Variants in PTPRO observed in about 807,000 individuals in gnomAD.
PTPRO encodes receptor-type tyrosine-protein phosphatase O.
Under a neutral mutation model 145.2 loss-of-function variants are expected in PTPRO, and 62 were observed. The ratio of observed to expected loss-of-function variants is 0.43; its 90% CI spans 0.35 to 0.53. The LOEUF (loss-of-function observed/expected upper bound fraction) is 0.53. PTPRO is among the 20% of genes least tolerant of loss of function. The probability of loss-of-function intolerance (pLI) is 0.01; values close to 1 mark genes in which losing one functional copy is unlikely to be tolerated. For missense variants in PTPRO, 1,345 were observed against 1,482.7 expected (o/e 0.91, Z 1.53); for synonymous variants, 565 against 514.7 (o/e 1.10, Z -1.32).
intron 1 of PTPRO, among the ~76,000 whole-genome samples, chr12:15,399,849 G>A (rs539863978): frequency 2.7e-4 from 41 of 151,574 alleles, no homozygotes; most frequent in Admixed American, 9.9e-4. Context: ...TCAGGGGTTC[G>A]AGACCAACCT....
intron 2 of PTPRO, among the ~76,000 whole-genome samples, chr12:15,489,840 G>A (rs1192880090): frequency 2.0e-5 from 3 of 152,140 alleles, no homozygotes; most frequent in African/African-American, 7.2e-5. Flanking sequence ...AGGCAGCACA[G>A]AAGAAACAAT....
chr12:15,569,371 A>G (rs1254657592), intron 18 of PTPRO, 46 bp from the exon 19 acceptor site: 1 of 1,471,054 alleles, frequency 6.8e-7, no homozygotes, highest in Non-Finnish European at 9.5e-7. Context: ...AATACCTATC[A>G]ACAAGAATTT....
intron 23 of PTPRO, among the ~76,000 whole-genome samples, chr12:15,582,766 C>T (rs1314060509): frequency 6.6e-6 from 1 of 151,894 alleles, no homozygotes; most frequent in African/African-American, 2.4e-5. Context: ...TAAGGTACTT[C>T]TAGGTCTTAT....
intron 1 of PTPRO, among the ~76,000 whole-genome samples, chr12:15,445,961 C>T (rs1302448879): frequency 6.6e-6 from 1 of 152,054 alleles, no homozygotes; most frequent in African/African-American, 2.4e-5. Context: ...GGATGCAGAG[C>T]ACTCATGAAA....
intron 24 of PTPRO, among the ~76,000 whole-genome samples, chr12:15,587,856 A>G (rs111690867): frequency 0.03 from 4,564 of 152,270 alleles, 256 homozygotes; most frequent in African/African-American, 0.11. Flanking sequence ...AGCCATGCCA[A>G]CCTAAGCAAA....
At chr12:15,560,866 T>A (rs1943755272) in intron 17 of PTPRO, among the ~76,000 whole-genome samples, 1 of 152,124 alleles carries the variant, frequency 6.6e-6, no homozygotes, top group Admixed American at 6.6e-5. Context: ...CATTCCACTA[T>A]GTACAGAATC....
rs535056100 is a variant in PTPRO at position 15,386,444 on chromosome 12, A to G, written c.75+63643A>G. Among the ~76,000 whole-genome samples the G allele has an allele frequency of 5.3e-5, 8 of 152,320 alleles. No homozygotes were observed. In the East Asian group the frequency reaches 1.5e-3, roughly 29 times the overall value. ...CTGACAAAAAGATTATGAAATAAATATAAACAAATATGCATATACATATAC... is the reference window on the plus strand; with the variant it reads ...CTGACAAAAAGATTATGAAATAAATGTAAACAAATATGCATATACATATAC... On this transcript the variant is annotated intron_variant, in intron 1 of 26. Transcript: ENST00000281171.
chr12:15,534,964 G>A (rs1283130806), intron 12 of PTPRO, among the ~76,000 whole-genome samples: 4 of 152,134 alleles, frequency 2.6e-5, no homozygotes, highest in Admixed American at 1.3e-4. Context: ...AAGAGAAGTG[G>A]ACAGAATTCA....
At chr12:15,352,666 AAAG>A (rs1466639106) in intron 1 of PTPRO, among the ~76,000 whole-genome samples, 1,859 of 94,242 alleles carry the variant, frequency 0.02, 40 homozygotes, top group African/African-American at 0.054. Context: ...AAAAAAAAAA[AAAG>A]AAAGAAAGAA....
intron 19 of PTPRO, among the ~76,000 whole-genome samples, chr12:15,569,827 C>A (rs1298844768): frequency 6.6e-6 from 1 of 152,170 alleles, no homozygotes; most frequent in Admixed American, 6.5e-5. Context: ...AAGCCTGAGA[C>A]AGAATTTCCC....
chr12:15,582,347 C>T (rs1944339018), intron 23 of PTPRO, among the ~76,000 whole-genome samples: 1 of 152,228 alleles, frequency 6.6e-6, no homozygotes, highest in Non-Finnish European at 1.5e-5. Flanking sequence ...GACACCTACA[C>T]CACCACCACC....
At chr12:15,548,780 T>A (rs1392470995) in intron 13 of PTPRO, among the ~76,000 whole-genome samples, 1 of 152,044 alleles carries the variant, frequency 6.6e-6, no homozygotes, top group Non-Finnish European at 1.5e-5. Flanking sequence ...ATAGCTAAGG[T>A]AAAAAAATTA....
At position 15,546,624 on chromosome 12, in the gene PTPRO, T is replaced by C. The variant is rs749415852; in HGVS notation, c.2220T>C (p.Thr740=). The C allele has an allele frequency of 6.2e-7, 1 of 1,613,728 alleles. No individual in the cohort carries two copies. Among genetic ancestry groups the C allele is most frequent in the Admixed American group, 1.7e-5 (1 of 59,990 alleles). ...FAVNKTQTSV[T]LLWVEEGVAD... ...TGAACAAAACCCAGACTTCAGTGAC[T>C]TTGCTGTGGGTGGAAGAGGGAGTAG... The change falls in exon 13 of 27, where the codon ACT becomes ACC. Residue 740 remains threonine, a synonymous_variant. Coordinates refer to ENST00000281171, the MANE Select transcript of PTPRO (RefSeq NM_030667.3).
chr12:15,586,782 C>T, intron 23 of PTPRO, 115 bp from the exon 24 acceptor site: 1 of 1,160,196 alleles, frequency 8.6e-7, no homozygotes, highest in Non-Finnish European at 1.3e-6. Context: ...GGAAAGTGTA[C>T]TGACCAGGAG....
At chr12:15,519,620 A>T (rs371616424) in intron 9 of PTPRO, among the ~76,000 whole-genome samples, 2 of 152,350 alleles carry the variant, frequency 1.3e-5, no homozygotes, top group East Asian at 3.9e-4. Context: ...GACACTGCCT[A>T]ATTTTAATGA....
At chr12:15,409,624 A>G (rs1939740364) in intron 1 of PTPRO, among the ~76,000 whole-genome samples, 1 of 152,212 alleles carries the variant, frequency 6.6e-6, no homozygotes, top group African/African-American at 2.4e-5. Flanking sequence ...TTGTACAGGA[A>G]GTAGGGCACT....
intron 2 of PTPRO, among the ~76,000 whole-genome samples, chr12:15,488,298 G>A (rs1941932315): frequency 6.6e-6 from 1 of 152,140 alleles, no homozygotes; most frequent in Admixed American, 6.5e-5. Context: ...AATTTGAGGG[G>A]CAATAATAGG....
chr12:15,431,613 T>C (rs1940441587), intron 1 of PTPRO, among the ~76,000 whole-genome samples: 3 of 152,200 alleles, frequency 2.0e-5, no homozygotes, highest in Non-Finnish European at 4.4e-5. Flanking sequence ...GAGCAAATTA[T>C]GAATGCAATT....
chr12:15,435,558 C>CTTTT (rs34792603), intron 1 of PTPRO, among the ~76,000 whole-genome samples: 2 of 146,450 alleles, frequency 1.4e-5, no homozygotes, highest in Non-Finnish European at 1.5e-5. Flanking sequence ...AGCAAAGCAC[C>CTTTT]TTTTTTTTTT....
Sources: gnomAD v4.1 joint callset for allele counts (sites outside exome capture counted in the v4.1 genomes callset) on GRCh38, gnomAD v4.1.1 for gene constraint, MANE v1.5 for transcripts, NCBI Gene and HGNC (gene_info 2026-07-23, HGNC 2026-07-21) for gene names.